MSH4: variants seen among roughly 807,000 people sequenced by gnomAD.
MSH4 encodes the protein mutS homolog 4, also known as mutS protein homolog 4.
Under a neutral mutation model 113.7 loss-of-function variants are expected in MSH4, and 106 were observed. That is an observed-to-expected ratio of 0.93 (90% CI 0.80 to 1.10). The LOEUF is 1.10. Among genes scored for constraint, MSH4 ranks in the 50% least tolerant of loss-of-function variants. The probability of loss-of-function intolerance (pLI) is 0.00; values close to 1 mark genes in which losing one functional copy is unlikely to be tolerated. For synonymous variants in MSH4, 368 were observed against 380.2 expected (o/e 0.97, Z 0.37); for missense variants, 1,061 against 1,093.7 (o/e 0.97, Z 0.42).
intron 7 of MSH4, among the ~76,000 whole-genome samples, chr1:75,829,083 C>T (rs1481670905): frequency 6.6e-6 from 1 of 152,320 alleles, no homozygotes; most frequent in Non-Finnish European, 1.5e-5. Context: ...GACACTCCCA[C>T]CCTAATACTG....
chr1:75,840,194 A>G (rs1237946309), intron 7 of MSH4, among the ~76,000 whole-genome samples: 8 of 147,964 alleles, frequency 5.4e-5, no homozygotes, highest in Non-Finnish European at 1.1e-4. Context: ...ACTATAAATC[A>G]TGCTGCTATA....
chr1:75,887,045 G>T (rs944526153), intron 15 of MSH4, among the ~76,000 whole-genome samples: 17 of 151,768 alleles, frequency 1.1e-4, no homozygotes, highest in Non-Finnish European at 1.5e-5. Flanking sequence ...ACTTGCCCAA[G>T]ATCACCCAGT....
At chr1:75,858,728 T>G (rs1651380943) in intron 8 of MSH4, among the ~76,000 whole-genome samples, 1 of 152,154 alleles carries the variant, frequency 6.6e-6, no homozygotes, top group Non-Finnish European at 1.5e-5. Context: ...TAAAATTCTC[T>G]TTTTTTCTTG....
intron 18 of MSH4, 49 bp downstream of exon 18, chr1:75,898,130 C>T (rs1652425042): frequency 8.0e-7 from 1 of 1,242,984 alleles, no homozygotes; most frequent in Non-Finnish European, 1.1e-6. Flanking sequence ...TATATATTCT[C>T]CTAAGACAAA....
Position 75,912,707 on chromosome 1 carries a change from G to C in MSH4, c.2631G>C (p.Arg877Ser). 1 of 1,522,378 alleles carries C rather than the reference G, an allele frequency of 6.6e-7. No individual in the cohort carries two copies. Among genetic ancestry groups the C allele is most frequent in the South Asian group, 1.4e-5 (1 of 72,428 alleles). 94.3% of individuals were successfully genotyped at this position (1,522,378 alleles called of 1,614,324 possible). A position where few individuals can be genotyped will look rare whatever the true frequency, so the allele number is the denominator to read the frequency against. Residue 877 changes from arginine to serine, a missense_variant, in exon 20 of 20, where the codon AGG becomes AGC. Arg to Ser is a moderately radical substitution (Grantham distance 110, BLOSUM62 -1). Transcript: ENST00000263187. ...QITRQILQNQ[R>S]STPEMERQRA... ...TTTTTCAATGACAGCAAAACCAAAG[G>C]AGTACCCCTGAGATGGAAAGACAGA...
intron 1 of MSH4, among the ~76,000 whole-genome samples, chr1:75,803,255 CAAT>C (rs1182854610): frequency 2.6e-5 from 4 of 152,098 alleles, no homozygotes; most frequent in Non-Finnish European, 5.9e-5. Context: ...GTATATTTAT[CAAT>C]AATGTCATTA....
Position 75,815,057 on chromosome 1 carries a change from A to G in MSH4, c.736A>G (p.Asn246Asp). The change falls in exon 5 of 20, where the codon AAT becomes GAT. Residue 246 changes from asparagine to aspartate, a missense_variant. Coordinates refer to ENST00000263187, the MANE Select transcript of MSH4 (RefSeq NM_002440.4). ...CACTACTATCCAAAGGAAATACTTC[A>G]ATGAAACAAAAGGATTAGAGTACAT... ...NFTTIQRKYFNETKGLEYIEQ... is the reference protein window; with the variant it reads ...NFTTIQRKYFDETKGLEYIEQ... 1 of 1,604,014 alleles carries G rather than the reference A, an allele frequency of 6.2e-7. No homozygotes were observed. The highest frequency in any genetic ancestry group is 8.5e-7 in the Non-Finnish European group (1 of 1,173,988).
chr1:75,901,306 CCTT>C (rs1652501296), intron 19 of MSH4, among the ~76,000 whole-genome samples: 1 of 152,168 alleles, frequency 6.6e-6, no homozygotes, highest in Admixed American at 6.6e-5. Flanking sequence ...GTATTCATCT[CCTT>C]CCTCCTCCAA....
In MSH4 at chr1:75,816,646, G is replaced by A. The variant is rs942262929; in HGVS notation, c.989+100G>A. 1.6e-5 allele frequency: 12 copies of A among 755,766 alleles called. 1 individual carries two copies. The highest frequency in any genetic ancestry group is 9.0e-4 in the Middle Eastern group (2 of 2,216). The allele number at this position is 755,766 out of a possible 1,614,324, so 46.8% of individuals were successfully genotyped here. On this transcript the variant is annotated intron_variant, in intron 6 of 19. Coordinates refer to ENST00000263187, the MANE Select transcript of MSH4 (RefSeq NM_002440.4). ...TCTTTTTTTCTTTTTTAAATTTTGA[G>A]ATGGAGTTTTGCTCTTGTTGCCCAG... is the stretch of plus-strand genomic sequence containing the variant.
At chr1:75,829,418 G>C (rs1358087325) in intron 7 of MSH4, among the ~76,000 whole-genome samples, 1 of 152,220 alleles carries the variant, frequency 6.6e-6, no homozygotes, top group Non-Finnish European at 1.5e-5. Flanking sequence ...ATCCCTGTCT[G>C]ACAGCTTTGA....
chr1:75,811,224 A>G (rs1328820803), intron 4 of MSH4, among the ~76,000 whole-genome samples: 1 of 152,182 alleles, frequency 6.6e-6, no homozygotes, highest in Non-Finnish European at 1.5e-5. Flanking sequence ...ATAAAGAACA[A>G]TAATTTTAGT....
rs1651987811 is a variant in MSH4, at chr1:75,883,820, T to C, written c.2106T>C (p.Ile702=). The C allele has an allele frequency of 6.2e-7, 1 of 1,610,380 alleles. No individual in the cohort carries two copies. Among genetic ancestry groups the C allele is most frequent in the African/African-American group, 1.3e-5 (1 of 74,760 alleles). ...QIALCQIMAQ[I]GSYVPAEYSS... ...CTCTTTGTCAGATTATGGCCCAGAT[T>C]GGTAAGTTATGGCTTTATTTATAAT... Residue 702 remains isoleucine (I), a splice_region_variant and synonymous_variant, in exon 15 of 20, where the codon ATT becomes ATC. Coordinates refer to ENST00000263187, the MANE Select transcript of MSH4 (RefSeq NM_002440.4).
At chr1:75,887,811 T>G (rs1260995167) in intron 15 of MSH4, among the ~76,000 whole-genome samples, 1 of 152,036 alleles carries the variant, frequency 6.6e-6, no homozygotes, top group African/African-American at 2.4e-5. Context: ...TTTATGTTTT[T>G]GTTTTTGTTT....
At chr1:75,881,489 C>T in intron 14 of MSH4, 119 bp downstream of exon 14, 2 of 1,048,470 alleles carry the variant, frequency 1.9e-6, no homozygotes, top group South Asian at 3.1e-5. Flanking sequence ...TCTCTTGCCT[C>T]TGGTCCTAGA....
chr1:75,877,308 A>G (rs1651836464), intron 10 of MSH4, among the ~76,000 whole-genome samples: 1 of 152,160 alleles, frequency 6.6e-6, no homozygotes, highest in Admixed American at 6.5e-5. Context: ...TAATAAAAAT[A>G]TATTTCTTTA....
chr1:75,803,799 A>G lies in MSH4; in HGVS notation c.313A>G (p.Ser105Gly). ...TGCATCAAATTTTACTTTTGGTGCA[A>G]GCTCATCTTCTGCACGAGATACTAA... is the stretch of plus-strand genomic sequence containing the variant. ...TVASNFTFGA[S>G]SSSARDTNYP... The change falls in exon 2 of 20, where the codon AGC (serine) becomes GGC (glycine). Residue 105 changes from serine to glycine, a missense_variant. Transcript: ENST00000263187. 1.2e-6 allele frequency: 2 copies of G among 1,607,894 alleles called. No individual in the cohort carries two copies. Among genetic ancestry groups the G allele is most frequent in the Non-Finnish European group, 1.7e-6 (2 of 1,177,846 alleles).
intron 7 of MSH4, among the ~76,000 whole-genome samples, chr1:75,845,132 A>G (rs1651048619): frequency 6.6e-6 from 1 of 152,254 alleles, no homozygotes; most frequent in South Asian, 2.1e-4. Flanking sequence ...ACAAGGTTGC[A>G]CTGAGATTAA....
chr1:75,892,738 T>A (rs1414782721), intron 17 of MSH4, among the ~76,000 whole-genome samples: 2 of 151,984 alleles, frequency 1.3e-5, no homozygotes, highest in Admixed American at 6.6e-5. Flanking sequence ...CATCACATAC[T>A]TGGTGAGGGC....
intron 7 of MSH4, among the ~76,000 whole-genome samples, chr1:75,831,483 A>G (rs1650689915): frequency 6.6e-6 from 1 of 152,128 alleles, no homozygotes; most frequent in African/African-American, 2.4e-5. Flanking sequence ...CAGAATATAC[A>G]TTTTCTCAGC....
Sources: allele counts gnomAD v4.1 joint callset (sites outside exome capture counted in the v4.1 genomes callset), GRCh38; gene constraint gnomAD v4.1.1; transcripts MANE v1.5; gene names NCBI Gene and HGNC (gene_info 2026-07-23, HGNC 2026-07-21).